SNRPA: variants seen among roughly 807,000 people sequenced by gnomAD.
SNRPA encodes the protein U1 small nuclear ribonucleoprotein A.
In SNRPA, 10 loss-of-function variants were observed where a neutral mutation model predicts 24.5. The ratio of observed to expected loss-of-function variants is 0.41; its 90% CI spans 0.25 to 0.69. SNRPA has a LOEUF of 0.69. Among genes scored for constraint, SNRPA ranks in the 30% least tolerant of loss-of-function variants. SNRPA has a pLI of 0.33. For synonymous variants in SNRPA, 165 were observed against 148.4 expected, an observed-to-expected ratio of 1.11 and a Z score of -0.81; for missense variants, 283 against 394.7, an observed-to-expected ratio of 0.72 and a Z score of 2.40.
In SNRPA at chr19:40,751,405, C is replaced by T. The variant is rs751521543; in HGVS notation, c.-4C>T. On this transcript the variant is annotated 5_prime_UTR_variant, in exon 1 of 6. Coordinates refer to ENST00000243563, the MANE Select transcript of SNRPA (RefSeq NM_004596.5). ...CTTTAAGACTTACCTCAACACTTCA[C>T]TCCATGGCAGTTCCCGAGACCCGCC... 6.2e-7 allele frequency: 1 copy of T among 1,610,276 alleles called. No individual in the cohort carries two copies. Among genetic ancestry groups the T allele is most frequent in the Admixed American group, 1.7e-5 (1 of 60,014 alleles).
At position 40,759,502 on chromosome 19, in the gene SNRPA, C is replaced by T; in HGVS notation, c.318C>T (p.Arg106=). Residue 106 remains arginine, a synonymous_variant, in exon 3 of 6, where the codon CGC becomes CGT. Transcript: ENST00000243563. The part of the protein sequence containing the change: ...KMKGTFVERD[R]KREKRKPKSQ... ...AAGGCACCTTCGTGGAGCGGGACCG[C>T]AAGCGGGAGAAGAGGAAGCCCAAGA... The T allele has an allele frequency of 6.2e-7, 1 of 1,614,016 alleles. No homozygotes were observed. Among genetic ancestry groups the T allele is most frequent in the Non-Finnish European group, 8.5e-7 (1 of 1,180,002 alleles).
intron 2 of SNRPA, 87 bp downstream of exon 2, chr19:40,757,591 G>T: frequency 7.9e-7 from 1 of 1,270,504 alleles, no homozygotes; most frequent in Non-Finnish European, 1.1e-6. Flanking sequence ...GGGATATTAC[G>T]GTTCATTTGC....
intron 3 of SNRPA, among the ~76,000 whole-genome samples, chr19:40,760,121 G>A (rs2082925306): frequency 1.3e-5 from 2 of 152,118 alleles, no homozygotes; most frequent in Admixed American, 1.3e-4. Flanking sequence ...CCGCCTCCCA[G>A]GCTCAAGTGA....
intron 3 of SNRPA, 56 bp downstream of exon 3, chr19:40,759,666 G>T: frequency 6.6e-7 from 1 of 1,508,870 alleles, no homozygotes; most frequent in Non-Finnish European, 8.9e-7. Flanking sequence ...TCAGCCACAT[G>T]GACTGGCTTT....
chr19:40,757,665 G>A (rs1478199586), intron 2 of SNRPA, among the ~76,000 whole-genome samples, 161 bp downstream of exon 2: 2 of 151,948 alleles, frequency 1.3e-5, no homozygotes, highest in Admixed American at 6.6e-5. Context: ...TTCTTTGGCC[G>A]AGGGCGGTGG....
At chr19:40,751,596 T>C (rs967677709) in intron 1 of SNRPA, 115 bp downstream of exon 1, 1 of 797,802 alleles carries the variant, frequency 1.3e-6, no homozygotes, top group Non-Finnish European at 2.2e-6. Flanking sequence ...TCGAGTTAAC[T>C]CCTTGGCCTT....
chr19:40,756,921 G>C (rs2082910923), intron 1 of SNRPA: 1 of 209,694 alleles, frequency 4.8e-6, no homozygotes, highest in African/African-American at 2.4e-5. Flanking sequence ...TGTCAGACCT[G>C]GGGGCCAGTG....
In SNRPA at chr19:40,751,365, G is replaced by A; in HGVS notation, c.-44G>A. The stretch of plus-strand genomic sequence containing the variant: ...GGATTTGGAGAAACCCAGGGCTAAA[G>A]TCACGTTTTTCCTCCTTTAAGACTT... On this transcript the variant is annotated 5_prime_UTR_variant, in exon 1 of 6. Transcript: ENST00000243563. The A allele has an allele frequency of 6.8e-7, 1 of 1,473,126 alleles. No homozygotes were observed. The highest frequency in any genetic ancestry group is 1.4e-5 in the African/African-American group (1 of 72,158). The allele number at this position is 1,473,126 out of a possible 1,614,324, so 91.3% of individuals were successfully genotyped here.
chr19:40,761,662 T>C (rs1343799476), intron 3 of SNRPA, among the ~76,000 whole-genome samples: 1 of 151,848 alleles, frequency 6.6e-6, no homozygotes, highest in African/African-American at 2.4e-5. Context: ...AGATGGGGTT[T>C]CACCATGTTG....
rs57361537 is a variant in SNRPA at position 40,754,100 on chromosome 19, G to GTTTT, written c.73+2632_73+2635dup. ...ACAGGCGTCAGCCCCAGCGCCCGGC[G>GTTTT]TTTTTTTTTTTTTTTTGAGATGAGA... On this transcript the variant is annotated intron_variant, in intron 1 of 5. Transcript: ENST00000243563. Among the ~76,000 whole-genome samples, 21 of 117,988 alleles carry GTTTT rather than the reference G, an allele frequency of 1.8e-4. 1 individual carries two copies. The East Asian group carries it at 1.9e-3, about 10-fold the overall frequency. The allele number at this position is 117,988 out of a possible 152,430, so 77.4% of individuals were successfully genotyped here. A position where few individuals can be genotyped will look rare whatever the true frequency, so the allele number is the denominator to read the frequency against.
At chr19:40,763,479 T>TA in intron 4 of SNRPA, 108 bp from the exon 5 acceptor site, 1 of 866,142 alleles carries the variant, frequency 1.2e-6, no homozygotes, top group East Asian at 2.4e-5. Flanking sequence ...TGGGTGGAAG[T>TA]ACCAGAGTGA....
chr19:40,760,227 C>T (rs1416879473), intron 3 of SNRPA, among the ~76,000 whole-genome samples: 2 of 152,098 alleles, frequency 1.3e-5, no homozygotes, highest in South Asian at 2.1e-4. Context: ...TTAGCCATAT[C>T]ACCCAGGCTA....
At chr19:40,752,771 C>T (rs1036974660) in intron 1 of SNRPA, among the ~76,000 whole-genome samples, 3 of 151,222 alleles carry the variant, frequency 2.0e-5, no homozygotes, top group African/African-American at 7.3e-5. Flanking sequence ...AAAAAAAGAA[C>T]TCAATTATTG....
chr19:40,752,977 T>C (rs1174869919), intron 1 of SNRPA, among the ~76,000 whole-genome samples: 1 of 152,242 alleles, frequency 6.6e-6, no homozygotes, highest in Admixed American at 6.5e-5. Context: ...ATGTTAGCTC[T>C]TATCACTTCA....
rs1268706863 is a variant in SNRPA at position 40,763,530 on chromosome 19, G to C, written c.601-57G>C. On this transcript the variant is annotated intron_variant, in intron 4 of 5. Coordinates refer to ENST00000243563, the MANE Select transcript of SNRPA (RefSeq NM_004596.5). ...GGGATGGAGGAAGTGGCAGTACTAT[G>C]GGTCTCCCACTGGACTCAGGGCTCT... 7 of 1,310,046 alleles carry C rather than the reference G, an allele frequency of 5.3e-6. No homozygotes were observed. In the Admixed American group the frequency reaches 6.7e-5, roughly 13 times the overall value. 81.2% of individuals were successfully genotyped at this position (1,310,046 alleles called of 1,614,324 possible).
chr19:40,757,534 G>A, intron 2 of SNRPA, 30 bp downstream of exon 2: 1 of 1,583,034 alleles, frequency 6.3e-7, no homozygotes, highest in Non-Finnish European at 8.6e-7. Context: ...AGGCTGTGTG[G>A]GTGTGTAAAA....
At chr19:40,761,464 T>C (rs866944247) in intron 3 of SNRPA, among the ~76,000 whole-genome samples, 31 of 67,110 alleles carry the variant, frequency 4.6e-4, no homozygotes, top group African/African-American at 1.3e-3. Context: ...TTTTCTTTTT[T>C]TTTTTTTTTT....
chr19:40,753,396 T>TTTTTTTTTG (rs2082893725), intron 1 of SNRPA, among the ~76,000 whole-genome samples: 1 of 109,418 alleles, frequency 9.1e-6, no homozygotes, highest in Non-Finnish European at 2.0e-5. Flanking sequence ...TTTTTTTTTT[T>TTTTTTTTTG]TTTTTTTTTT....
At chr19:40,764,131 G>T (rs2082944777) in intron 5 of SNRPA, among the ~76,000 whole-genome samples, 1 of 152,232 alleles carries the variant, frequency 6.6e-6, no homozygotes, top group Non-Finnish European at 1.5e-5. Flanking sequence ...CAGCCGATGT[G>T]TAGAGGGGCT....
Sources: allele counts gnomAD v4.1 joint callset (sites outside exome capture counted in the v4.1 genomes callset), GRCh38; gene constraint gnomAD v4.1.1; transcripts MANE v1.5; gene names NCBI Gene and HGNC (gene_info 2026-07-23, HGNC 2026-07-21).